The following CDH17 variants were observed in gnomAD, a reference collection of about 807,000 sequenced individuals.
CDH17 encodes the protein cadherin-17.
A neutral mutation model predicts 86.3 loss-of-function variants in CDH17; 67 were observed. That is an observed-to-expected ratio of 0.78 (90% CI 0.64 to 0.95). The LOEUF is 0.95. CDH17 is among the 40% of genes least tolerant of loss of function. CDH17 has a pLI of 0.00. For missense variants in CDH17, 993 were observed against 1,017.6 expected (o/e 0.98, Z 0.33); for synonymous variants, 367 against 366.4 (o/e 1.00, Z -0.02).
chr8:94,175,610 T>G (rs1813356479), intron 5 of CDH17, among the ~76,000 whole-genome samples: 1 of 152,032 alleles, frequency 6.6e-6, no homozygotes, highest in Non-Finnish European at 1.5e-5. Context: ...TGTTAGGAGG[T>G]GATGCTCCTT....
chr8:94,212,273 A>T (rs1391059209), upstream of CDH17, among the ~76,000 whole-genome samples: 1 of 152,082 alleles, frequency 6.6e-6, no homozygotes, highest in Non-Finnish European at 1.5e-5. Flanking sequence ...CTCCCACCTA[A>T]GCCTCCCAAG....
At chr8:94,149,317 A>G (rs540374281) in intron 13 of CDH17, among the ~76,000 whole-genome samples, 27 of 152,290 alleles carry the variant, frequency 1.8e-4, no homozygotes, top group African/African-American at 6.5e-4. Flanking sequence ...AGATGGGTGG[A>G]TACTCATAGA....
intron 10 of CDH17, among the ~76,000 whole-genome samples, chr8:94,164,259 C>G (rs955914017): frequency 1.3e-5 from 2 of 152,176 alleles, no homozygotes; most frequent in African/African-American, 4.8e-5. Context: ...TACCTGTTCT[C>G]TCCCTCCACT....
chr8:94,166,515 TAGC>T (rs1813160763), intron 9 of CDH17, among the ~76,000 whole-genome samples: 1 of 152,176 alleles, frequency 6.6e-6, no homozygotes, highest in Non-Finnish European at 1.5e-5. Context: ...GGGGAAGATG[TAGC>T]CTAGAACAGA....
intron 8 of CDH17, 94 bp from the exon 9 acceptor site, chr8:94,170,641 C>A (rs1247330860): frequency 3.9e-5 from 56 of 1,428,774 alleles, no homozygotes; most frequent in Non-Finnish European, 5.2e-5. Context: ...GTCATTTACT[C>A]CCTTATTTTT....
rs1451291541 is a variant in CDH17 at position 94,176,479 on chromosome 8, C to T, written c.424+62G>A. ...AGCTGCAGCTATTAGCCACACAAGTCTGCCCCTTCCACCTGACACCCTTCC... is the reference window on the plus strand; with the variant it reads ...AGCTGCAGCTATTAGCCACACAAGTTTGCCCCTTCCACCTGACACCCTTCC... On this transcript the variant is annotated intron_variant, in intron 5 of 17. Transcript: ENST00000027335. 2.5e-5 allele frequency: 40 copies of T among 1,573,886 alleles called. No homozygotes were observed. In the Admixed American group the frequency reaches 6.8e-4, roughly 27 times the overall value.
rs189236130 is a variant in CDH17, at chr8:94,151,907, C to T, written c.1757G>A (p.Gly586Asp). ...TTCTGGATCCTTGGCAGTCACATTG[C>T]CCACTTTAGTGCCTATAGCTACATC... is the stretch of plus-strand genomic sequence containing the variant. ...SEDVAIGTKV[G>D]NVTAKDPEGL... The change falls in exon 13 of 18, where the codon GGC becomes GAC. Residue 586 changes from glycine to aspartate, a missense_variant. Transcript: ENST00000027335. 1 of 1,614,154 alleles carries T rather than the reference C, an allele frequency of 6.2e-7. No homozygotes were observed. Among genetic ancestry groups the T allele is most frequent in the Admixed American group, 1.7e-5 (1 of 60,032 alleles).
chr8:94,191,653 C>T (rs977842302), intron 2 of CDH17, among the ~76,000 whole-genome samples: 10 of 152,010 alleles, frequency 6.6e-5, no homozygotes, highest in Non-Finnish European at 1.3e-4. Flanking sequence ...GGGGTTTCAC[C>T]ATGTTGGACA....
At chr8:94,172,582 G>A (rs1813290347) in intron 7 of CDH17, among the ~76,000 whole-genome samples, 2 of 152,086 alleles carry the variant, frequency 1.3e-5, no homozygotes, top group Non-Finnish European at 2.9e-5. Context: ...TTATTGATGA[G>A]ACATTGGGGC....
At chr8:94,173,735 T>C (rs1640916660) in intron 7 of CDH17, 62 bp downstream of exon 7, 1 of 1,221,824 alleles carries the variant, frequency 8.2e-7, no homozygotes, top group African/African-American at 1.5e-5. Context: ...TGAGGGTGGG[T>C]CTCTACAAAG....
rs949794336 is a variant in CDH17, at chr8:94,146,296, A to G, written c.1928-129T>C. The stretch of plus-strand genomic sequence containing the variant: ...TGCTAGAAAGACGACAAGCTTTTAG[A>G]ATCAAAGACCTAGTTTCATTACTGG... On this transcript the variant is annotated intron_variant, in intron 14 of 17. Coordinates refer to ENST00000027335, the MANE Select transcript of CDH17 (RefSeq NM_004063.4). The G allele has an allele frequency of 5.7e-5, 43 of 754,682 alleles. No homozygotes were observed. The African/African-American group carries it at 7.3e-4, about 13-fold the overall frequency. 46.7% of individuals were successfully genotyped at this position (754,682 alleles called of 1,614,324 possible). A position where few individuals can be genotyped will look rare whatever the true frequency, so the allele number is the denominator to read the frequency against.
upstream of CDH17, among the ~76,000 whole-genome samples, chr8:94,211,605 T>C (rs1219042575): frequency 6.6e-6 from 1 of 152,188 alleles, no homozygotes; most frequent in Non-Finnish European, 1.5e-5. Flanking sequence ...GAGCCACTGC[T>C]CCTGGCCTAT....
chr8:94,174,049 C>G, intron 6 of CDH17, 53 bp from the exon 7 acceptor site: 1 of 1,609,026 alleles, frequency 6.2e-7, no homozygotes, highest in Non-Finnish European at 8.5e-7. Context: ...AGAGACAGAC[C>G]AAACTCCCTT....
chr8:94,131,342 A>C (rs1812411824), intron 15 of CDH17, among the ~76,000 whole-genome samples: 1 of 152,188 alleles, frequency 6.6e-6, no homozygotes, highest in African/African-American at 2.4e-5. Flanking sequence ...GTGAGCTTCT[A>C]GTCATATTTT....
rs1813747488 is a variant in CDH17 at position 94,194,675 on chromosome 8, T to C, written c.11A>G (p.Gln4Arg). Residue 4 changes from glutamine (Q) to arginine (R), a missense_variant, in exon 2 of 18, where the codon CAG (glutamine) becomes CGG (arginine). Gln to Arg is a conservative substitution (Grantham distance 43). Coordinates refer to ENST00000027335, the MANE Select transcript of CDH17 (RefSeq NM_004063.4). MIL[Q>R]AHLHSLCLLM... Reference sequence around the variant, plus strand: ...AAGACACAGGGAGTGAAGATGGGCCTGAAGTATCATAGTTTTCTTTATTCA... The same window carrying C: ...AAGACACAGGGAGTGAAGATGGGCCCGAAGTATCATAGTTTTCTTTATTCA... 2 of 1,605,512 alleles carry C rather than the reference T, an allele frequency of 1.2e-6. No homozygotes were observed. Among genetic ancestry groups the C allele is most frequent in the East Asian group, 2.2e-5 (1 of 44,760 alleles).
chr8:94,196,960 C>G (rs1418769456), intron 1 of CDH17, among the ~76,000 whole-genome samples: 1 of 152,184 alleles, frequency 6.6e-6, no homozygotes, highest in Non-Finnish European at 1.5e-5. Flanking sequence ...AAACATCACA[C>G]CTGGTCCAAC....
intron 5 of CDH17, among the ~76,000 whole-genome samples, chr8:94,174,999 C>A (rs1215230578): frequency 7.2e-5 from 11 of 152,146 alleles, no homozygotes; most frequent in African/African-American, 2.7e-4. Context: ...AGAGACAGCT[C>A]ATGAGACTCA....
chr8:94,134,424 T>A (rs968526604), intron 15 of CDH17, among the ~76,000 whole-genome samples: 2 of 152,222 alleles, frequency 1.3e-5, no homozygotes, highest in African/African-American at 2.4e-5. Flanking sequence ...TTCTTCTAGA[T>A]TTTCTAGTTT....
intron 11 of CDH17, 67 bp from the exon 12 acceptor site, chr8:94,160,229 ATC>A (rs1407232272): frequency 2.1e-5 from 26 of 1,228,630 alleles, no homozygotes; most frequent in Non-Finnish European, 2.9e-5. Context: ...GGACAAACTT[ATC>A]TCTCTGGTTT....
Sources: gnomAD v4.1 joint callset for allele counts (sites outside exome capture counted in the v4.1 genomes callset) on GRCh38, gnomAD v4.1.1 for gene constraint, MANE v1.5 for transcripts, NCBI Gene and HGNC (gene_info 2026-07-23, HGNC 2026-07-21) for gene names.